The following SHROOM3 variants were observed in gnomAD, a reference collection of about 807,000 sequenced individuals.
The protein encoded by SHROOM3 is protein Shroom3.
SHROOM3 carries 47 observed loss-of-function variants against 138.6 expected under a neutral mutation model. That is an observed-to-expected ratio of 0.34 (90% CI 0.27 to 0.43). The LOEUF (loss-of-function observed/expected upper bound fraction) is 0.43. Ranked by LOEUF, SHROOM3 falls within the 20% of genes least tolerant of loss-of-function variation. SHROOM3 has a pLI of 1.00. For missense variants in SHROOM3, 2,491 were observed against 2,596.5 expected (o/e 0.96, Z 0.88); for synonymous variants, 1,062 against 1,063.3 (o/e 1.00, Z 0.02).
chr4:76,573,941 G>A (rs1015947936), intron 2 of SHROOM3, among the ~76,000 whole-genome samples: 9 of 152,114 alleles, frequency 5.9e-5, no homozygotes, highest in African/African-American at 1.7e-4. Context: ...TAGAGACCTC[G>A]AAATTGAGCC....
At chr4:76,531,985 GC>G (rs1172322992) in intron 1 of SHROOM3, among the ~76,000 whole-genome samples, 1 of 149,794 alleles carries the variant, frequency 6.7e-6, no homozygotes, top group Non-Finnish European at 1.5e-5. Context: ...GTATACATGT[GC>G]CATGTTGGTG....
intron 3 of SHROOM3, among the ~76,000 whole-genome samples, chr4:76,728,888 G>T (rs77267091): frequency 6.6e-6 from 1 of 151,246 alleles, no homozygotes; most frequent in African/African-American, 2.5e-5. Context: ...GGAGCTCGGG[G>T]CAATACCTCA....
intron 1 of SHROOM3, among the ~76,000 whole-genome samples, chr4:76,531,043 G>T (rs553622296): frequency 3.9e-4 from 60 of 152,208 alleles, no homozygotes; most frequent in African/African-American, 1.3e-3. Flanking sequence ...TGTTTGCTTG[G>T]CTCTGTGATT....
intron 2 of SHROOM3, among the ~76,000 whole-genome samples, chr4:76,574,173 A>G (rs1733889736): frequency 6.6e-6 from 1 of 152,024 alleles, no homozygotes; most frequent in Non-Finnish European, 1.5e-5. Flanking sequence ...GGGTTTTCTC[A>G]CTATTTCTCA....
chr4:76,459,684 A>G (rs1479519942), intron 1 of SHROOM3, among the ~76,000 whole-genome samples: 1 of 152,132 alleles, frequency 6.6e-6, no homozygotes, highest in Non-Finnish European at 1.5e-5. Flanking sequence ...AGAAAACTGT[A>G]CATTTCTGGT....
Position 76,782,645 on chromosome 4 carries a change from T to C in SHROOM3, c.*3468T>C, listed in dbSNP as rs1231589798. 6.6e-6 allele frequency: 1 copy of C among 152,248 alleles called. No homozygotes were observed. Among genetic ancestry groups the C allele is most frequent in the Non-Finnish European group, 1.5e-5 (1 of 68,052 alleles). 9.4% of individuals were successfully genotyped at this position (152,248 alleles called of 1,614,324 possible). On this transcript the variant is annotated 3_prime_UTR_variant, in exon 11 of 11. Transcript: ENST00000296043. ...ATTGTCCATGGTAGTGCTGGCTTCA[T>C]TGTTAGGTTGGAGTTATTATTTTCC...
At chr4:76,633,947 T>C (rs1735417245) in intron 2 of SHROOM3, among the ~76,000 whole-genome samples, 1 of 152,148 alleles carries the variant, frequency 6.6e-6, no homozygotes, top group South Asian at 2.1e-4. Flanking sequence ...TAGAATGACA[T>C]AGATGTTATA....
At chr4:76,599,324 A>G (rs1003719389) in intron 2 of SHROOM3, among the ~76,000 whole-genome samples, 1 of 152,144 alleles carries the variant, frequency 6.6e-6, no homozygotes, top group Non-Finnish European at 1.5e-5. Flanking sequence ...TCAGAGAATG[A>G]GCAATTGATA....
At chr4:76,459,591 A>G (rs1198257021) in intron 1 of SHROOM3, among the ~76,000 whole-genome samples, 2 of 152,150 alleles carry the variant, frequency 1.3e-5, no homozygotes, top group African/African-American at 4.8e-5. Context: ...ACAGAGGAAA[A>G]TCTCGCACAG....
intron 2 of SHROOM3, among the ~76,000 whole-genome samples, chr4:76,661,444 A>C (rs1386218391): frequency 1.3e-5 from 2 of 151,958 alleles, no homozygotes; most frequent in African/African-American, 4.8e-5. Context: ...GTTAGCCAGG[A>C]TGGTCTCGAT....
chr4:76,688,629 C>T, intron 2 of SHROOM3: 1 of 985,378 alleles, frequency 1.0e-6, no homozygotes, highest in Non-Finnish European at 1.2e-6. Flanking sequence ...CTGGAAGAAC[C>T]TTTGAAGAAA....
chr4:76,579,513 T>G (rs1382979452), intron 2 of SHROOM3, among the ~76,000 whole-genome samples: 1 of 152,208 alleles, frequency 6.6e-6, no homozygotes, highest in African/African-American at 2.4e-5. Context: ...CACAAGTACT[T>G]GGTCTACAGA....
chr4:76,652,769 C>G (rs1735987313), intron 2 of SHROOM3, among the ~76,000 whole-genome samples: 1 of 151,458 alleles, frequency 6.6e-6, no homozygotes, highest in Admixed American at 6.6e-5. Flanking sequence ...CTCTCTCTCT[C>G]TGTGATGTAT....
chr4:76,775,321 G>GGTGGGT (rs1553954327), intron 10 of SHROOM3, among the ~76,000 whole-genome samples: 2 of 149,110 alleles, frequency 1.3e-5, no homozygotes, highest in Non-Finnish European at 3.0e-5. Context: ...TAGTCCATGG[G>GGTGGGT]GTGTGTGTGT....
At chr4:76,655,281 C>T (rs1736041290) in intron 2 of SHROOM3, among the ~76,000 whole-genome samples, 1 of 152,140 alleles carries the variant, frequency 6.6e-6, no homozygotes, top group African/African-American at 2.4e-5. Flanking sequence ...GTCCATTGTT[C>T]TGCCTCTTTG....
chr4:76,458,603 T>C (rs1731081131), intron 1 of SHROOM3, among the ~76,000 whole-genome samples: 1 of 152,166 alleles, frequency 6.6e-6, no homozygotes, highest in Non-Finnish European at 1.5e-5. Context: ...TCAAGAAAAT[T>C]CTACATTTAA....
chr4:76,490,875 G>A lies in SHROOM3; in HGVS notation c.168+54655G>A, dbSNP rs575107093. On this transcript the variant is annotated intron_variant, in intron 1 of 10. Coordinates refer to ENST00000296043, the MANE Select transcript of SHROOM3 (RefSeq NM_020859.4). ...ATGTGGGAAAGAACTGTGTTGGAGG[G>A]TGAAGTCACTAGCCCATATTACACA... 3.0e-5 allele frequency among the ~76,000 whole-genome samples: 4 copies of A among 133,370 alleles called. No individual in the cohort carries two copies. In the East Asian group the frequency reaches 8.2e-4, roughly 27 times the overall value. The allele number at this position is 133,370 out of a possible 152,430, so 87.5% of individuals were successfully genotyped here. A position where few individuals can be genotyped will look rare whatever the true frequency, so the allele number is the denominator to read the frequency against.
intron 2 of SHROOM3, among the ~76,000 whole-genome samples, chr4:76,708,206 C>T (rs769347723): frequency 2.0e-5 from 3 of 152,022 alleles, no homozygotes; most frequent in African/African-American, 7.3e-5. Flanking sequence ...ATGCTTAAAT[C>T]GATGGAATGA....
chr4:76,516,272 C>A (rs528755456), intron 1 of SHROOM3, among the ~76,000 whole-genome samples: 1 of 152,288 alleles, frequency 6.6e-6, no homozygotes, highest in South Asian at 2.1e-4. Flanking sequence ...TGGTCAATTG[C>A]AATATCTTTG....
Sources: allele counts gnomAD v4.1 joint callset (sites outside exome capture counted in the v4.1 genomes callset), GRCh38; gene constraint gnomAD v4.1.1; transcripts MANE v1.5; gene names NCBI Gene and HGNC (gene_info 2026-07-23, HGNC 2026-07-21).